FAM200B: variants seen among roughly 807,000 people sequenced by gnomAD.
FAM200B encodes protein FAM200B.
Under a neutral mutation model 33.1 loss-of-function variants are expected in FAM200B, and 32 were observed. The observed-to-expected ratio is 0.97, with a 90% CI of 0.73 to 1.30. The LOEUF is 1.30. FAM200B is among the 50% of genes most tolerant of loss of function. FAM200B has a pLI of 0.00. For missense variants in FAM200B, 741 were observed against 754.0 expected (o/e 0.98, Z 0.20); for synonymous variants, 240 against 264.8 (o/e 0.91, Z 0.91).
upstream of FAM200B, among the ~76,000 whole-genome samples, chr4:15,677,642 G>C (rs560513177): frequency 3.2e-4 from 48 of 152,108 alleles, 1 homozygote; most frequent in Non-Finnish European, 2.9e-4. Context: ...GTGCTGGGAG[G>C]GTGGCACAGA....
the FAM200B span, among the ~76,000 whole-genome samples, chr4:15,671,204 G>A: frequency 9.2e-5 from 14 of 151,898 alleles, no homozygotes; most frequent in Non-Finnish European, 1.8e-4. Context: ...GATTACAGGC[G>A]TGAGTCACTG....
chr4:15,678,419 T>A (rs532192705), upstream of FAM200B, among the ~76,000 whole-genome samples: 31 of 152,328 alleles, frequency 2.0e-4, no homozygotes, highest in Admixed American at 5.9e-4. Context: ...TATTCCCAAG[T>A]GGCATTGTAA....
At chr4:15,657,103 G>A in the FAM200B span, among the ~76,000 whole-genome samples, 2 of 152,060 alleles carry the variant, frequency 1.3e-5, no homozygotes, top group African/African-American at 2.4e-5. Flanking sequence ...CCCGTTTCTC[G>A]TTCTTTTGCC....
rs1433396947 is a variant in FAM200B, at chr4:15,687,126, A to G, written c.149A>G (p.Glu50Gly). The change falls in exon 2 of 2, where the codon GAG becomes GGG. Residue 50 changes from glutamate (E) to glycine (G), a missense_variant. Glu to Gly is a moderately conservative substitution (Grantham distance 98, BLOSUM62 -2). Transcript: ENST00000422728. ...DSNLQTSTSFEPHFKKKKVSA... is the reference protein window; with the variant it reads ...DSNLQTSTSFGPHFKKKKVSA... ...AATCTGCAAACTTCAACTTCATTTG[A>G]GCCACATTTCAAAAAGAAAAAAGTA... 1 of 1,548,716 alleles carries G rather than the reference A, an allele frequency of 6.5e-7. No individual in the cohort carries two copies. The highest frequency in any genetic ancestry group is 8.7e-7 in the Non-Finnish European group (1 of 1,146,000).
At chr4:15,667,716 G>A in the FAM200B span, among the ~76,000 whole-genome samples, 7 of 152,168 alleles carry the variant, frequency 4.6e-5, no homozygotes, top group South Asian at 6.2e-4. Context: ...ACATGAGTTG[G>A]CCAGAATATT....
chr4:15,655,066 G>T, the FAM200B span: 1 of 558,112 alleles, frequency 1.8e-6, no homozygotes, highest in Non-Finnish European at 2.5e-6. Context: ...GGGCGGCGCT[G>T]ACAGCTGCGC....
chr4:15,651,268 T>C, the FAM200B span, among the ~76,000 whole-genome samples: 808 of 152,158 alleles, frequency 5.3e-3, 7 homozygotes, highest in African/African-American at 0.018. Flanking sequence ...GTAGCAGAAC[T>C]AGTAAGGTAA....
chr4:15,659,174 C>T, the FAM200B span, among the ~76,000 whole-genome samples: 1 of 152,080 alleles, frequency 6.6e-6, no homozygotes, highest in South Asian at 2.1e-4. Context: ...GTTTTAAGTA[C>T]CTGACATTAT....
At chr4:15,637,596 A>G in the FAM200B span, among the ~76,000 whole-genome samples, 2,464 of 152,302 alleles carry the variant, frequency 0.016, 69 homozygotes, top group African/African-American at 0.056. Flanking sequence ...ATAAAATGTA[A>G]TAAGTGTGAT....
chr4:15,668,039 C>T, the FAM200B span, among the ~76,000 whole-genome samples: 5 of 125,668 alleles, frequency 4.0e-5, no homozygotes, highest in African/African-American at 1.5e-4. Flanking sequence ...AAAACTCTAT[C>T]TCTAAAAAAA....
the FAM200B span, among the ~76,000 whole-genome samples, chr4:15,651,799 C>T: frequency 1.3e-5 from 2 of 152,166 alleles, no homozygotes; most frequent in Non-Finnish European, 2.9e-5. Flanking sequence ...AAGGCCTCCA[C>T]CACTTGAGTT....
chr4:15,666,016 C>CT, the FAM200B span, among the ~76,000 whole-genome samples: 1,343 of 138,698 alleles, frequency 9.7e-3, 17 homozygotes, highest in African/African-American at 0.03. Flanking sequence ...TACTGACAAC[C>CT]TTTTTTTAAA....
At chr4:15,667,746 T>A in the FAM200B span, among the ~76,000 whole-genome samples, 19 of 152,146 alleles carry the variant, frequency 1.2e-4, no homozygotes, top group Non-Finnish European at 2.8e-4. Context: ...GTCTTCTCAT[T>A]TGACTTCCTG....
Position 15,687,138 on chromosome 4 carries a change from A to G in FAM200B, c.161A>G (p.Lys54Arg). The change falls in exon 2 of 2, where the codon AAA becomes AGA. Residue 54 changes from lysine to arginine, a missense_variant. Coordinates refer to ENST00000422728, the MANE Select transcript of FAM200B (RefSeq NM_001145191.2). ...QTSTSFEPHF[K>R]KKKVSARRYN... ...TCAACTTCATTTGAGCCACATTTCAAAAAGAAAAAAGTAAGTGCAAGACGT... is the reference window on the plus strand; with the variant it reads ...TCAACTTCATTTGAGCCACATTTCAGAAAGAAAAAAGTAAGTGCAAGACGT... 2 of 1,548,112 alleles carry G rather than the reference A, an allele frequency of 1.3e-6. No individual in the cohort carries two copies. The highest frequency in any genetic ancestry group is 1.2e-5 in the South Asian group (1 of 82,878).
the FAM200B span, among the ~76,000 whole-genome samples, chr4:15,667,815 G>T: frequency 6.6e-6 from 1 of 152,104 alleles, no homozygotes; most frequent in African/African-American, 2.4e-5. Flanking sequence ...GCCAATGTGG[G>T]CGGATCACCT....
chr4:15,655,517 C>T, the FAM200B span: 1 of 348,632 alleles, frequency 2.9e-6, no homozygotes, highest in Non-Finnish European at 4.0e-6. Context: ...TGCCTCCCGC[C>T]CCCACTCTTT....
At chr4:15,684,186 C>T (rs1718614428) in intron 1 of FAM200B, among the ~76,000 whole-genome samples, 1 of 152,172 alleles carries the variant, frequency 6.6e-6, no homozygotes, top group South Asian at 2.1e-4. Context: ...GTGTTTGGGC[C>T]AGCAGAACCC....
chr4:15,641,017 C>T, the FAM200B span: 2 of 491,856 alleles, frequency 4.1e-6, no homozygotes, highest in East Asian at 3.5e-5. Flanking sequence ...GGTCTCTGTA[C>T]TTTTAACATA....
chr4:15,662,671 T>C, the FAM200B span, among the ~76,000 whole-genome samples: 1 of 152,216 alleles, frequency 6.6e-6, no homozygotes, highest in South Asian at 2.1e-4. Context: ...AAAAATTGTT[T>C]TTTTCAATAT....
Sources: gnomAD v4.1 joint callset for allele counts (sites outside exome capture counted in the v4.1 genomes callset) on GRCh38, gnomAD v4.1.1 for gene constraint, MANE v1.5 for transcripts, NCBI Gene and HGNC (gene_info 2026-07-23, HGNC 2026-07-21) for gene names.